CNTN4: variants seen among roughly 807,000 people sequenced by gnomAD.
CNTN4 encodes contactin-4.
Under a neutral mutation model 122.5 loss-of-function variants are expected in CNTN4, and 77 were observed. That is an observed-to-expected ratio of 0.63 (90% CI 0.52 to 0.76). The LOEUF (loss-of-function observed/expected upper bound fraction) is 0.76. CNTN4 is among the 30% of genes least tolerant of loss of function. CNTN4 has a pLI of 0.00. For missense variants in CNTN4, 1,256 were observed against 1,259.1 expected (o/e 1.00, Z 0.04); for synonymous variants, 512 against 447.0 (o/e 1.15, Z -1.83).
At chr3:2,646,109 T>G (rs2083105666) in intron 4 of CNTN4, among the ~76,000 whole-genome samples, 1 of 152,180 alleles carries the variant, frequency 6.6e-6, no homozygotes, top group Non-Finnish European at 1.5e-5. Flanking sequence ...TCCTCATCCT[T>G]AAAACCAAAA....
chr3:3,054,049 G>A, intron 24 of CNTN4, 74 bp downstream of exon 24: 1 of 1,472,496 alleles, frequency 6.8e-7, no homozygotes, highest in Non-Finnish European at 9.5e-7. Flanking sequence ...GTCAGGGCTT[G>A]AAAGACATTC....
intron 13 of CNTN4, among the ~76,000 whole-genome samples, chr3:2,941,795 T>A (rs995774893): frequency 2.0e-5 from 3 of 152,204 alleles, no homozygotes; most frequent in Non-Finnish European, 4.4e-5. Context: ...GAACACAACC[T>A]ACAAGGTATG....
intron 13 of CNTN4, among the ~76,000 whole-genome samples, chr3:2,981,160 C>G (rs761983347): frequency 6.6e-6 from 1 of 152,138 alleles, no homozygotes; most frequent in Non-Finnish European, 1.5e-5. Context: ...AAAGGAAAAC[C>G]TGGGCCGGGC....
At chr3:2,479,492 G>A (rs912874357) in intron 3 of CNTN4, among the ~76,000 whole-genome samples, 1 of 152,164 alleles carries the variant, frequency 6.6e-6, no homozygotes, top group South Asian at 2.1e-4. Context: ...AGAAAGTTTC[G>A]TTATTGGGAA....
intron 2 of CNTN4, among the ~76,000 whole-genome samples, chr3:2,279,563 A>G (rs1398858563): frequency 6.6e-6 from 1 of 152,214 alleles, no homozygotes; most frequent in African/African-American, 2.4e-5. Context: ...ACTGAACTAT[A>G]TTAAGAATGA....
chr3:2,116,238 A>G (rs2033342102), intron 2 of CNTN4, among the ~76,000 whole-genome samples: 1 of 152,314 alleles, frequency 6.6e-6, no homozygotes, highest in South Asian at 2.1e-4. Flanking sequence ...AACGTGAGGC[A>G]TAACAGAAAA....
intron 3 of CNTN4, among the ~76,000 whole-genome samples, chr3:2,405,215 A>T (rs985837337): frequency 2.0e-5 from 3 of 152,202 alleles, no homozygotes; most frequent in African/African-American, 7.2e-5. Flanking sequence ...TTAAATGCCT[A>T]GCTCTTGGTC....
chr3:2,298,034 CTGTTA>C (rs1431630567), intron 2 of CNTN4, among the ~76,000 whole-genome samples: 31 of 152,096 alleles, frequency 2.0e-4, no homozygotes, highest in African/African-American at 6.5e-4. Context: ...GCCTGGTCAT[CTGTTA>C]TGTTAAGTGA....
Position 2,127,505 on chromosome 3 carries a change from C to T in CNTN4, c.-145+26866C>T, listed in dbSNP as rs145247471. Among the ~76,000 whole-genome samples the T allele has an allele frequency of 2.0e-3, 309 of 152,118 alleles. 3 individuals are homozygous for T. Among genetic ancestry groups the T allele is most frequent in the Middle Eastern group, 0.01 (3 of 294 alleles). On this transcript the variant is annotated intron_variant, in intron 2 of 24. Coordinates refer to ENST00000418658, the MANE Select transcript of CNTN4 (RefSeq NM_175607.3). ...TTTTAGAACAAGACCGTGATTGAAA[C>T]TAGTCTCTTTTCTCTATTACTTTTT...
At chr3:2,123,938 G>A (rs2033964492) in intron 2 of CNTN4, among the ~76,000 whole-genome samples, 1 of 152,174 alleles carries the variant, frequency 6.6e-6, no homozygotes. Context: ...AGGCCCTGGT[G>A]AATTTTTAAA....
chr3:2,562,590 G>A (rs73108590), intron 3 of CNTN4, among the ~76,000 whole-genome samples: 3,086 of 152,136 alleles, frequency 0.02, 97 homozygotes, highest in African/African-American at 0.069. Flanking sequence ...ATAGTATTCC[G>A]TGGTGTGTAT....
At chr3:2,483,512 A>G (rs988036253) in intron 3 of CNTN4, among the ~76,000 whole-genome samples, 4 of 152,188 alleles carry the variant, frequency 2.6e-5, no homozygotes, top group Non-Finnish European at 5.9e-5. Flanking sequence ...GGTCAGGGGC[A>G]GAATGATATG....
At chr3:2,448,727 T>A (rs2048718034) in intron 3 of CNTN4, among the ~76,000 whole-genome samples, 1 of 152,190 alleles carries the variant, frequency 6.6e-6, no homozygotes, top group African/African-American at 2.4e-5. Flanking sequence ...TACAGGACAA[T>A]ATAGAGAATA....
At chr3:2,246,432 A>G (rs2040152748) in intron 2 of CNTN4, among the ~76,000 whole-genome samples, 1 of 152,028 alleles carries the variant, frequency 6.6e-6, no homozygotes, top group African/African-American at 2.4e-5. Flanking sequence ...TTTTTTGAGT[A>G]ATAAAATTGC....
At chr3:2,741,487 T>C (rs1393629946) in intron 5 of CNTN4, among the ~76,000 whole-genome samples, 1 of 152,226 alleles carries the variant, frequency 6.6e-6, no homozygotes, top group Non-Finnish European at 1.5e-5. Context: ...GAGGTCACTT[T>C]TTAAAGCAGA....
chr3:2,231,370 C>T (rs1011611304), intron 2 of CNTN4, among the ~76,000 whole-genome samples: 3 of 152,136 alleles, frequency 2.0e-5, no homozygotes, highest in African/African-American at 7.2e-5. Flanking sequence ...CTAATCCATC[C>T]CCTTAACTCC....
At chr3:2,856,612 G>A (rs928470901) in intron 7 of CNTN4, among the ~76,000 whole-genome samples, 5 of 152,178 alleles carry the variant, frequency 3.3e-5, no homozygotes, top group African/African-American at 4.8e-5. Flanking sequence ...CCAGATGGAC[G>A]GGCACAGCCC....
intron 2 of CNTN4, among the ~76,000 whole-genome samples, chr3:2,290,196 G>T (rs1215648584): frequency 2.0e-5 from 3 of 152,152 alleles, no homozygotes; most frequent in Non-Finnish European, 4.4e-5. Flanking sequence ...CCCAGAAACA[G>T]GGGCAATGAA....
At chr3:2,593,461 C>G (rs1366117948) in intron 4 of CNTN4, among the ~76,000 whole-genome samples, 2 of 152,156 alleles carry the variant, frequency 1.3e-5, no homozygotes, top group South Asian at 2.1e-4. Flanking sequence ...ATGCCACTTA[C>G]CAGTAGCAGA....
Sources: allele counts gnomAD v4.1 joint callset (sites outside exome capture counted in the v4.1 genomes callset), GRCh38; gene constraint gnomAD v4.1.1; transcripts MANE v1.5; gene names NCBI Gene and HGNC (gene_info 2026-07-23, HGNC 2026-07-21).